Variants in HELQ observed in about 807,000 individuals in gnomAD.
HELQ encodes the protein helicase, POLQ like.
A neutral mutation model predicts 111.6 loss-of-function variants in HELQ; 77 were observed. The observed-to-expected ratio is 0.69, with a 90% CI of 0.57 to 0.83. The LOEUF (loss-of-function observed/expected upper bound fraction) is 0.83. HELQ is among the 40% of genes least tolerant of loss of function. HELQ has a pLI of 0.00. For missense variants in HELQ, 1,200 were observed against 1,288.5 expected (o/e 0.93, Z 1.05); for synonymous variants, 438 against 454.7 (o/e 0.96, Z 0.47).
intron 1 of HELQ, 42 bp downstream of exon 1, chr4:83,455,355 G>T (rs748362235): frequency 6.3e-7 from 1 of 1,593,554 alleles, no homozygotes; most frequent in South Asian, 1.1e-5. Context: ...ATCTGGGAAG[G>T]ATGCCAAAAG....
chr4:83,443,560 T>C lies in HELQ; in HGVS notation c.1520A>G (p.Gln507Arg). The change falls in exon 6 of 18, where the codon CAA (glutamine) becomes CGA (arginine). Residue 507 changes from glutamine to arginine, a missense_variant. Physicochemically the swap from Gln to Arg is conservative, Grantham distance 43. Around this residue, in one of 3 missense-constraint regions of HELQ, gnomAD observed 610 missense variants for 607.1 expected, o/e 1.00. Coordinates refer to ENST00000295488, the MANE Select transcript of HELQ (RefSeq NM_133636.5). The stretch of plus-strand genomic sequence containing the variant: ...ATAATATTCTGCTTGAAGAAACTTT[T>C]GTAGGTCTTCAACATTGTTTAATGT... Reference protein sequence around the residue: ...SATLNNVEDLQKFLQAEYYTS... With the variant: ...SATLNNVEDLRKFLQAEYYTS... 1 of 1,594,384 alleles carries C rather than the reference T, an allele frequency of 6.3e-7. No homozygotes were observed. The highest frequency in any genetic ancestry group is 8.6e-7 in the Non-Finnish European group (1 of 1,164,118).
At chr4:83,445,762 A>T (rs1360014259) in intron 5 of HELQ, among the ~76,000 whole-genome samples, 2 of 152,236 alleles carry the variant, frequency 1.3e-5, no homozygotes, top group Non-Finnish European at 2.9e-5. Context: ...TGTTTTACAG[A>T]TAAAGAAACA....
intron 9 of HELQ, among the ~76,000 whole-genome samples, chr4:83,436,289 A>G (rs563144000): frequency 6.9e-4 from 105 of 152,322 alleles, no homozygotes; most frequent in Non-Finnish European, 1.3e-3. Flanking sequence ...ACAAAACTGC[A>G]TATTCAACTG....
chr4:83,432,249 G>C lies in HELQ; in HGVS notation c.2067C>G (p.Pro689=). 1 of 1,574,976 alleles carries C rather than the reference G, an allele frequency of 6.3e-7. No individual in the cohort carries two copies. Among genetic ancestry groups the C allele is most frequent in the Non-Finnish European group, 8.6e-7 (1 of 1,160,634 alleles). Residue 689 remains proline, a synonymous_variant, in exon 10 of 18, where the codon CCC becomes CCG. Coordinates refer to ENST00000295488, the MANE Select transcript of HELQ (RefSeq NM_133636.5). The part of the protein sequence containing the change: ...LPARRVILRA[P]YVAKEFLKRN... ...TCTTTAAAAATTCCTTAGCAACATA[G>C]GGAGCTCTTAAAATAACTCTGTGGA... is the stretch of plus-strand genomic sequence containing the variant.
At chr4:83,439,503 G>A (rs1171472986) in intron 8 of HELQ, among the ~76,000 whole-genome samples, 4 of 151,822 alleles carry the variant, frequency 2.6e-5, no homozygotes, top group Non-Finnish European at 4.4e-5. Context: ...GGGATTATAG[G>A]TGCAAGGCAC....
At chr4:83,422,820 T>C (rs1719610577) in intron 14 of HELQ, among the ~76,000 whole-genome samples, 1 of 152,212 alleles carries the variant, frequency 6.6e-6, no homozygotes, top group Non-Finnish European at 1.5e-5. Context: ...TTGGTATTTG[T>C]AAATTGTGTA....
At chr4:83,415,618 A>G (rs933452462) in intron 17 of HELQ, among the ~76,000 whole-genome samples, 2 of 151,488 alleles carry the variant, frequency 1.3e-5, no homozygotes, top group Non-Finnish European at 2.9e-5. Context: ...TTATACTTCA[A>G]TGAACCCTTG....
Position 83,455,507 on chromosome 4 carries a change from C to T in HELQ, c.187G>A (p.Val63Ile), listed in dbSNP as rs1721721477. Residue 63 changes from valine to isoleucine, a missense_variant, in exon 1 of 18, where the codon GTA (valine) becomes ATA (isoleucine). Coordinates refer to ENST00000295488, the MANE Select transcript of HELQ (RefSeq NM_133636.5). ...RKTAGVLPVE[V>I]QPLLLSDSPE... ...GAATCTGAGAGTAGAAGGGGCTGTA[C>T]CTCAACCGGCAGTACGCCCGCGGTT... is the stretch of plus-strand genomic sequence containing the variant. 1 of 1,614,048 alleles carries T rather than the reference C, an allele frequency of 6.2e-7. No homozygotes were observed. The highest frequency in any genetic ancestry group is 8.5e-7 in the Non-Finnish European group (1 of 1,180,038).
chr4:83,424,321 A>G (rs1263186294), intron 14 of HELQ, among the ~76,000 whole-genome samples: 2 of 152,198 alleles, frequency 1.3e-5, no homozygotes, highest in Admixed American at 1.3e-4. Flanking sequence ...TTGTTTTAAG[A>G]AATATTTTTA....
At chr4:83,432,366 A>G (rs914938313) in intron 9 of HELQ, 99 bp from the exon 10 acceptor site, 1 of 842,760 alleles carries the variant, frequency 1.2e-6, no homozygotes, top group Admixed American at 3.6e-5. Flanking sequence ...TTAATGACAT[A>G]CTAACACAAA....
In HELQ at chr4:83,429,743, C is replaced by A. The variant is rs781533843; in HGVS notation, c.2299G>T (p.Ala767Ser). ...TGATAGATGTCATCAAGATTCGTTGCAATCTGAAACAATTCAGGATATCAT... is the reference window on the plus strand; with the variant it reads ...TGATAGATGTCATCAAGATTCGTTGAAATCTGAAACAATTCAGGATATCAT... ...LFLSLIGLKI[A>S]TNLDDIYHFM... The change falls in exon 12 of 18, where the codon GCA (alanine) becomes TCA (serine). Residue 767 changes from alanine to serine, a missense_variant. This residue lies in a region of HELQ where 585 missense variants were observed against 665.3 expected (regional missense o/e 0.88). Coordinates refer to ENST00000295488, the MANE Select transcript of HELQ (RefSeq NM_133636.5). 3.4e-5 allele frequency: 54 copies of A among 1,596,116 alleles called. No individual in the cohort carries two copies. In the South Asian group the frequency reaches 3.7e-4, roughly 11 times the overall value.
At chr4:83,434,564 G>C (rs754128432) in intron 9 of HELQ, among the ~76,000 whole-genome samples, 5 of 151,920 alleles carry the variant, frequency 3.3e-5, no homozygotes, top group Non-Finnish European at 7.4e-5. Context: ...CTGGGCTCAA[G>C]CAATCTTCCC....
chr4:83,443,104 A>G (rs1182389861), intron 6 of HELQ, among the ~76,000 whole-genome samples: 1 of 152,118 alleles, frequency 6.6e-6, no homozygotes, highest in Non-Finnish European at 1.5e-5. Context: ...AAAAAGTATT[A>G]TAACTACTAA....
chr4:83,414,989 G>T (rs1434894332), intron 17 of HELQ, among the ~76,000 whole-genome samples: 2 of 152,110 alleles, frequency 1.3e-5, no homozygotes, highest in Non-Finnish European at 2.9e-5. Flanking sequence ...CACCTCATAG[G>T]TTTGTTGTAA....
chr4:83,410,668 G>A (rs1411083411), intron 17 of HELQ, among the ~76,000 whole-genome samples: 1 of 152,186 alleles, frequency 6.6e-6, no homozygotes, highest in East Asian at 1.9e-4. Flanking sequence ...CACCTTCATT[G>A]AGAGACGGGA....
At position 83,412,758 on chromosome 4, in the gene HELQ, AG is replaced by A. The variant is rs546577972; in HGVS notation, c.3198+3972del. ...AGAACTGCTTGAGCCTGGGAGGGGA[AG>A]GCTGCAGTGATCTATGATTGTGCCA... On this transcript the variant is annotated intron_variant, in intron 17 of 17. Transcript: ENST00000295488. 3.9e-5 allele frequency among the ~76,000 whole-genome samples: 6 copies of A among 152,284 alleles called. No individual in the cohort carries two copies. In the South Asian group the frequency reaches 1.2e-3, roughly 32 times the overall value.
intron 2 of HELQ, 126 bp downstream of exon 2, chr4:83,453,105 T>C: frequency 1.6e-6 from 1 of 626,402 alleles, no homozygotes; most frequent in South Asian, 2.1e-5. Context: ...GGCTGAGAGA[T>C]CACTGATCTT....
Position 83,429,588 on chromosome 4 carries a change from A to C in HELQ, c.2454T>G (p.Tyr818Ter). The change falls in exon 12 of 18, where the codon TAT (tyrosine) becomes TAG (stop). Residue 818 changes from tyrosine (Y) to a stop codon, truncating the protein, a stop_gained. Coordinates refer to ENST00000295488, the MANE Select transcript of HELQ (RefSeq NM_133636.5). LOFTEE classifies it high-confidence loss of function. ...EKGLLQKDTI[Y>*]KSEEEVQYNF... Reference sequence around the variant, plus strand: ...TATATTGGACCTCTTCTTCAGACTTATAAATAGTGTCTTTTTGTAGGAGTC... The same window carrying C: ...TATATTGGACCTCTTCTTCAGACTTCTAAATAGTGTCTTTTTGTAGGAGTC... The C allele has an allele frequency of 6.2e-7, 1 of 1,612,960 alleles. No individual in the cohort carries two copies. Among genetic ancestry groups the C allele is most frequent in the Admixed American group, 1.7e-5 (1 of 60,020 alleles).
intron 6 of HELQ, among the ~76,000 whole-genome samples, chr4:83,442,811 T>TA (rs1720848725): frequency 1.3e-5 from 2 of 152,076 alleles, no homozygotes; most frequent in East Asian, 3.9e-4. Flanking sequence ...CCCGGCCTCT[T>TA]AAAGTGTTGG....
Sources: gnomAD v4.1 joint callset for allele counts (sites outside exome capture counted in the v4.1 genomes callset) on GRCh38, gnomAD v4.1.1 for gene constraint, gnomAD v4.1.1 regional missense constraint, MANE v1.5 for transcripts, NCBI Gene and HGNC (gene_info 2026-07-23, HGNC 2026-07-21) for gene names.